Variants in GSR observed in about 807,000 individuals in gnomAD.
GSR encodes the protein glutathione-disulfide reductase, also known as glutathione reductase, mitochondrial.
GSR carries 48 observed loss-of-function variants against 56.5 expected under a neutral mutation model. The observed-to-expected ratio is 0.85, with a 90% CI of 0.67 to 1.08. GSR has a LOEUF of 1.08. Ranked by LOEUF, GSR falls within the 50% of genes least tolerant of loss-of-function variation. GSR has a pLI of 0.00. For missense variants in GSR, 694 were observed against 703.3 expected (o/e 0.99, Z 0.15); for synonymous variants, 264 against 270.8 (o/e 0.97, Z 0.25).
rs1007687285 is a variant in GSR, at chr8:30,703,776, G to T, written c.493-536C>A. 1.3e-5 allele frequency among the ~76,000 whole-genome samples: 2 copies of T among 149,666 alleles called. 1 individual carries two copies. The highest frequency in any genetic ancestry group is 4.3e-4 in the South Asian group (2 of 4,662). On this transcript the variant is annotated intron_variant, in intron 4 of 12. Coordinates refer to ENST00000221130, the MANE Select transcript of GSR (RefSeq NM_000637.5). ...GAAAGAAGAAGAAGGAAGGAGGGAA[G>T]GGGAGCAGGGGAAGGAAGAAGGAGG... is the stretch of plus-strand genomic sequence containing the variant.
chr8:30,715,624 T>A (rs571755914), intron 1 of GSR, among the ~76,000 whole-genome samples: 17 of 152,308 alleles, frequency 1.1e-4, no homozygotes, highest in Admixed American at 5.2e-4. Context: ...GTTCACCATT[T>A]AAGTTCACTA....
intron 11 of GSR, among the ~76,000 whole-genome samples, chr8:30,681,507 A>G (rs983202894): frequency 3.9e-5 from 6 of 152,012 alleles, no homozygotes; most frequent in African/African-American, 1.2e-4. Context: ...CCTGGGTGAC[A>G]GTGGGAGAGC....
At chr8:30,704,029 G>A (rs761623576) in intron 4 of GSR, among the ~76,000 whole-genome samples, 2 of 152,084 alleles carry the variant, frequency 1.3e-5, no homozygotes, top group African/African-American at 2.4e-5. Flanking sequence ...TCACATTACA[G>A]AATGGTGTGT....
chr8:30,692,196 C>CTTTTTTTTTTTTTTTTTTT (rs71206279), intron 8 of GSR, among the ~76,000 whole-genome samples: 1 of 76,412 alleles, frequency 1.3e-5, no homozygotes, highest in Non-Finnish European at 2.3e-5. Flanking sequence ...TAAAATACAG[C>CTTTTTTTTTTTTTTTTTTT]TTTTTTTTTT....
At chr8:30,702,038 AAAAATAAAATAATAT>A (rs914816688) in intron 5 of GSR, among the ~76,000 whole-genome samples, 4 of 151,928 alleles carry the variant, frequency 2.6e-5, no homozygotes, top group Non-Finnish European at 2.9e-5. Context: ...CCTGTCTCAA[AAAAATAAAATAATAT>A]AAAATAAAAT....
Position 30,714,351 on chromosome 8 carries a change from C to T in GSR, c.307-2263G>A, listed in dbSNP as rs370145549. 4.6e-5 allele frequency among the ~76,000 whole-genome samples: 7 copies of T among 151,942 alleles called. 1 individual carries two copies. In the South Asian group the frequency reaches 1.5e-3, roughly 32 times the overall value. On this transcript the variant is annotated intron_variant, in intron 1 of 12. Transcript: ENST00000221130. ...CTCAGCCCCCGAGTAGCTGGGACCACAGGCGTTCACCGCCATGCCTGGTAT... is the reference window on the plus strand; with the variant it reads ...CTCAGCCCCCGAGTAGCTGGGACCATAGGCGTTCACCGCCATGCCTGGTAT...
chr8:30,688,744 C>A lies in GSR; in HGVS notation c.1041+417G>T, dbSNP rs1244787212. Among the ~76,000 whole-genome samples the A allele has an allele frequency of 4.6e-5, 7 of 151,612 alleles. No individual in the cohort carries two copies. The East Asian group carries it at 7.8e-4, about 17-fold the overall frequency. On this transcript the variant is annotated intron_variant, in intron 9 of 12. Coordinates refer to ENST00000221130, the MANE Select transcript of GSR (RefSeq NM_000637.5). ...GACCAGCCTGGGCAACATGGTGAAA[C>A]CTCATCTCTAAAAAAAATAAAAATA... is the stretch of plus-strand genomic sequence containing the variant.
chr8:30,711,248 G>A (rs1412349977), intron 2 of GSR, among the ~76,000 whole-genome samples: 1 of 152,186 alleles, frequency 6.6e-6, no homozygotes, highest in Non-Finnish European at 1.5e-5. Flanking sequence ...AAGGTGGTAA[G>A]CTTGAGATTA....
chr8:30,685,136 A>G (rs1803117715), intron 9 of GSR, among the ~76,000 whole-genome samples: 1 of 151,632 alleles, frequency 6.6e-6, no homozygotes, highest in Admixed American at 6.6e-5. Flanking sequence ...ATTTTTTTGT[A>G]TTTTTAGTAG....
At chr8:30,725,303 A>T (rs915260049) in intron 1 of GSR, among the ~76,000 whole-genome samples, 17 of 151,778 alleles carry the variant, frequency 1.1e-4, no homozygotes, top group African/African-American at 3.6e-4. Flanking sequence ...AAATAAAAAC[A>T]GGCCAGGCGT....
At chr8:30,701,874 T>G (rs1803754972) in intron 5 of GSR, among the ~76,000 whole-genome samples, 1 of 148,680 alleles carries the variant, frequency 6.7e-6, no homozygotes. Flanking sequence ...TCAAAAGATG[T>G]ATAAACTATG....
intron 1 of GSR, among the ~76,000 whole-genome samples, chr8:30,724,200 T>C (rs1039534695): frequency 6.6e-6 from 1 of 152,160 alleles, no homozygotes; most frequent in African/African-American, 2.4e-5. Context: ...AGTGAGACCC[T>C]ATCTCTATAA....
chr8:30,709,718 G>A (rs1005877786), intron 3 of GSR, 96 bp downstream of exon 3: 10 of 746,762 alleles, frequency 1.3e-5, no homozygotes, highest in Admixed American at 3.9e-5. Context: ...AATATTTACC[G>A]CAATTCCTCC....
In GSR at chr8:30,679,289, T is replaced by C; in HGVS notation, c.*231A>G. The C allele has an allele frequency of 1.8e-6, 1 of 552,376 alleles. No homozygotes were observed. The highest frequency in any genetic ancestry group is 3.2e-6 in the Non-Finnish European group (1 of 313,462). 34.2% of individuals were successfully genotyped at this position (552,376 alleles called of 1,614,324 possible). A position where few individuals can be genotyped will look rare whatever the true frequency, so the allele number is the denominator to read the frequency against. ...CAGAGCTGTTAATAAAAAAAAAACT[T>C]GAAAATATTAATTACTGTGAGATGT... On this transcript the variant is annotated 3_prime_UTR_variant, in exon 13 of 13. Transcript: ENST00000221130.
Position 30,713,435 on chromosome 8 carries a change from T to C in GSR, c.307-1347A>G, listed in dbSNP as rs531411434. Among the ~76,000 whole-genome samples, 17 of 152,204 alleles carry C rather than the reference T, an allele frequency of 1.1e-4. No individual in the cohort carries two copies. In the East Asian group the frequency reaches 3.1e-3, roughly 28 times the overall value. On this transcript the variant is annotated intron_variant, in intron 1 of 12. Coordinates refer to ENST00000221130, the MANE Select transcript of GSR (RefSeq NM_000637.5). ...GTATAGTGGCAAGATCTCAGCTCAC[T>C]GCAACCTCTGCCTCCCAGGCTCAAG...
chr8:30,689,200 C>A lies in GSR; in HGVS notation c.1002G>T (p.Gly334=). ...TCAGGTCCTTGGTATTCGGGACCCG[C>A]CCAATGGCCCAGAGCAGGCAGTCAA... ...PDVDCLLWAI[G]RVPNTKDLSL... The change falls in exon 9 of 13, where the codon GGG becomes GGT. Residue 334 remains glycine (G), a synonymous_variant. Transcript: ENST00000221130. 1 of 1,614,082 alleles carries A rather than the reference C, an allele frequency of 6.2e-7. No individual in the cohort carries two copies. The highest frequency in any genetic ancestry group is 1.7e-5 in the Admixed American group (1 of 60,008).
intron 1 of GSR, among the ~76,000 whole-genome samples, chr8:30,712,483 C>T (rs986662280): frequency 6.6e-6 from 1 of 152,098 alleles, no homozygotes; most frequent in Non-Finnish European, 1.5e-5. Flanking sequence ...GAATTCGAGA[C>T]CAGCCTGGGC....
At chr8:30,693,533 A>ATG (rs1554571132) in intron 7 of GSR, among the ~76,000 whole-genome samples, 1,779 of 146,994 alleles carry the variant, frequency 0.012, 35 homozygotes, top group African/African-American at 0.041. Context: ...TAGTTCTTTT[A>ATG]TTTTTATTTT....
At chr8:30,684,586 A>G (rs961205715) in intron 9 of GSR, among the ~76,000 whole-genome samples, 1 of 152,184 alleles carries the variant, frequency 6.6e-6, no homozygotes, top group Non-Finnish European at 1.5e-5. Flanking sequence ...AGGATTTGAC[A>G]TTGCAATGTA....
Sources: gnomAD v4.1 joint callset for allele counts (sites outside exome capture counted in the v4.1 genomes callset) on GRCh38, gnomAD v4.1.1 for gene constraint, MANE v1.5 for transcripts, NCBI Gene and HGNC (gene_info 2026-07-23, HGNC 2026-07-21) for gene names.